DTNBP1: variants seen among roughly 807,000 people sequenced by gnomAD.
The protein encoded by DTNBP1 is dystrobrevin binding protein 1.
A neutral mutation model predicts 42.8 loss-of-function variants in DTNBP1; 35 were observed. That is an observed-to-expected ratio of 0.82 (90% CI 0.63 to 1.09). The LOEUF is 1.09. DTNBP1 is among the 50% of genes least tolerant of loss of function. The pLI is 0.00. For synonymous variants in DTNBP1, 171 were observed against 162.2 expected, an observed-to-expected ratio of 1.05 and a Z score of -0.41; for missense variants, 457 against 424.2, an observed-to-expected ratio of 1.08 and a Z score of -0.68.
At chr6:15,594,455 ACT>A (rs751360516) in intron 6 of DTNBP1, among the ~76,000 whole-genome samples, 3 of 149,456 alleles carry the variant, frequency 2.0e-5, no homozygotes, top group Non-Finnish European at 3.0e-5. Flanking sequence ...ACAGAGCGAG[ACT>A]CTGTCTCAAA....
At position 15,623,763 on chromosome 6, in the gene DTNBP1, T is replaced by A. The variant is rs1019182361; in HGVS notation, c.355+3580A>T. ...TTCAGTATATACTTTTCAAACATAT[T>A]TTTCCAGTTTTATGATTAAAAAGCA... is the stretch of plus-strand genomic sequence containing the variant. On this transcript the variant is annotated intron_variant, in intron 5 of 9. Transcript: ENST00000344537. 2.0e-5 allele frequency among the ~76,000 whole-genome samples: 3 copies of A among 152,312 alleles called. No homozygotes were observed. In the South Asian group the frequency reaches 6.2e-4, roughly 32 times the overall value.
At position 15,662,848 on chromosome 6, in the gene DTNBP1, G is replaced by C; in HGVS notation, c.22C>G (p.Arg8Gly). 1 of 1,608,828 alleles carries C rather than the reference G, an allele frequency of 6.2e-7. No homozygotes were observed. The highest frequency in any genetic ancestry group is 1.3e-5 in the African/African-American group (1 of 74,954). Residue 8 changes from arginine (R) to glycine (G), a missense_variant, in exon 1 of 10, where the codon CGG becomes GGG. Coordinates refer to ENST00000344537, the MANE Select transcript of DTNBP1 (RefSeq NM_032122.5). MLETLRERLLSVQQDFTS... is the reference protein window; with the variant it reads MLETLREGLLSVQQDFTS... ...AAATCCTGCTGCACGCTCAGCAGCC[G>C]CTCGCGAAGGGTCTCCAGCATTGCC...
At chr6:15,634,339 C>G (rs575496321) in intron 4 of DTNBP1, among the ~76,000 whole-genome samples, 1 of 152,230 alleles carries the variant, frequency 6.6e-6, no homozygotes, top group African/African-American at 2.4e-5. Flanking sequence ...AGAAGATAAA[C>G]AGAGTCTTGC....
intron 7 of DTNBP1, among the ~76,000 whole-genome samples, chr6:15,542,829 A>C (rs1454227277): frequency 6.6e-6 from 1 of 151,932 alleles, no homozygotes. Context: ...GTAGCCGAGT[A>C]GCTAAGACTA....
At chr6:15,562,226 C>A (rs1018806395) in intron 7 of DTNBP1, among the ~76,000 whole-genome samples, 11 of 152,188 alleles carry the variant, frequency 7.2e-5, no homozygotes, top group African/African-American at 2.7e-4. Flanking sequence ...GCCTTGAATT[C>A]TTTCTTGCAC....
chr6:15,547,382 C>T (rs1327705775), intron 7 of DTNBP1, among the ~76,000 whole-genome samples: 1 of 152,140 alleles, frequency 6.6e-6, no homozygotes, highest in Non-Finnish European at 1.5e-5. Context: ...GCATTTCTAA[C>T]CAAACCCCAG....
At chr6:15,623,774 T>C (rs1415001633) in intron 5 of DTNBP1, among the ~76,000 whole-genome samples, 1 of 152,246 alleles carries the variant, frequency 6.6e-6, no homozygotes, top group Non-Finnish European at 1.5e-5. Context: ...TTTCCAGTTT[T>C]ATGATTAAAA....
chr6:15,537,193 G>T (rs1773282441), intron 7 of DTNBP1, among the ~76,000 whole-genome samples: 1 of 152,196 alleles, frequency 6.6e-6, no homozygotes, highest in South Asian at 2.1e-4. Context: ...GACCAAGGCG[G>T]ACAGATCACG....
intron 8 of DTNBP1, among the ~76,000 whole-genome samples, chr6:15,526,967 A>C (rs1377638917): frequency 6.6e-6 from 1 of 152,262 alleles, no homozygotes; most frequent in Non-Finnish European, 1.5e-5. Context: ...ACTAAACTAA[A>C]ATAAAATCTA....
chr6:15,590,268 AC>A (rs1776242401), intron 7 of DTNBP1, among the ~76,000 whole-genome samples: 1 of 151,868 alleles, frequency 6.6e-6, no homozygotes, highest in Non-Finnish European at 1.5e-5. Flanking sequence ...TTCGGATTCA[AC>A]CTTTACAAAC....
chr6:15,576,366 G>A (rs890212707), intron 7 of DTNBP1, among the ~76,000 whole-genome samples: 7 of 151,926 alleles, frequency 4.6e-5, no homozygotes, highest in African/African-American at 1.2e-4. Flanking sequence ...CAGGTGATCC[G>A]CCCGCTGTGG....
chr6:15,565,532 A>G (rs1775033672), intron 7 of DTNBP1, among the ~76,000 whole-genome samples: 1 of 152,254 alleles, frequency 6.6e-6, no homozygotes, highest in South Asian at 2.1e-4. Context: ...AGTCTATAAT[A>G]TGGATGAACC....
chr6:15,643,346 AAAGT>A lies in DTNBP1; in HGVS notation c.162-5546_162-5543del, dbSNP rs539726862. Among the ~76,000 whole-genome samples, 35 of 152,336 alleles carry A rather than the reference AAAGT, an allele frequency of 2.3e-4. 1 individual carries two copies. The highest frequency in any genetic ancestry group is 7.7e-4 in the African/African-American group (32 of 41,584). On this transcript the variant is annotated intron_variant, in intron 3 of 9. Transcript: ENST00000344537. ...CTTACTAGCATTCCTGAGAGAAGAA[AAAGT>A]AAGGAACTTGGAAAACATATTTGAG...
chr6:15,545,772 A>AT (rs1180027928), intron 7 of DTNBP1, among the ~76,000 whole-genome samples: 4 of 152,216 alleles, frequency 2.6e-5, no homozygotes, highest in African/African-American at 9.6e-5. Context: ...ATTCCTATCA[A>AT]TTACCTTAAG....
intron 7 of DTNBP1, among the ~76,000 whole-genome samples, chr6:15,575,939 G>A (rs560565504): frequency 1.8e-3 from 278 of 152,256 alleles, no homozygotes; most frequent in African/African-American, 6.5e-3. Context: ...ACGTGCTGCT[G>A]GCCCATGAGC....
intron 7 of DTNBP1, among the ~76,000 whole-genome samples, chr6:15,582,368 C>T (rs1775879060): frequency 6.6e-6 from 1 of 152,156 alleles, no homozygotes; most frequent in African/African-American, 2.4e-5. Flanking sequence ...TCTCAATTTT[C>T]TCATCTCACA....
At chr6:15,657,427 A>G (rs983097935) in intron 1 of DTNBP1, among the ~76,000 whole-genome samples, 1 of 152,104 alleles carries the variant, frequency 6.6e-6, no homozygotes, top group Non-Finnish European at 1.5e-5. Context: ...ACCAGTGCCT[A>G]ACACATCTAT....
At chr6:15,651,889 C>T (rs1486700639) in intron 2 of DTNBP1, among the ~76,000 whole-genome samples, 198 bp downstream of exon 2, 3 of 152,168 alleles carry the variant, frequency 2.0e-5, no homozygotes, top group Non-Finnish European at 4.4e-5. Context: ...AATTATACTT[C>T]ACCATTTTTT....
At chr6:15,546,781 A>G (rs982031576) in intron 7 of DTNBP1, among the ~76,000 whole-genome samples, 6 of 152,162 alleles carry the variant, frequency 3.9e-5, no homozygotes, top group Non-Finnish European at 7.3e-5. Flanking sequence ...AGATCGACAA[A>G]TACCTACATG....
Sources: allele counts gnomAD v4.1 joint callset (sites outside exome capture counted in the v4.1 genomes callset), GRCh38; gene constraint gnomAD v4.1.1; transcripts MANE v1.5; gene names NCBI Gene and HGNC (gene_info 2026-07-23, HGNC 2026-07-21).